The following CAMTA1 variants were observed in gnomAD, a reference collection of about 807,000 sequenced individuals.
The protein encoded by CAMTA1 is calmodulin-binding transcription activator 1.
A neutral mutation model predicts 170.9 loss-of-function variants in CAMTA1; 27 were observed. The ratio of observed to expected loss-of-function variants is 0.16; its 90% CI spans 0.12 to 0.22. The LOEUF (loss-of-function observed/expected upper bound fraction) is 0.22, where lower values mean the gene tolerates loss of function less well. CAMTA1 is among the 10% of genes least tolerant of loss of function. The pLI, the probability that CAMTA1 is intolerant of heterozygous loss-of-function variation, is 1.00. For missense variants in CAMTA1, 1,619 were observed against 2,217.2 expected (o/e 0.73, Z 5.42); for synonymous variants, 833 against 891.5 (o/e 0.93, Z 1.17).
At chr1:7,621,237 G>A (rs527965264) in intron 6 of CAMTA1, among the ~76,000 whole-genome samples, 1 of 152,364 alleles carries the variant, frequency 6.6e-6, no homozygotes, top group South Asian at 2.1e-4. Context: ...GGGGCCACTG[G>A]CCCAAGAGAG....
At chr1:6,801,653 T>C (rs777558603) in intron 1 of CAMTA1, among the ~76,000 whole-genome samples, 4 of 152,216 alleles carry the variant, frequency 2.6e-5, no homozygotes, top group Non-Finnish European at 4.4e-5. Flanking sequence ...AAATTTTATG[T>C]TATGCATATT....
At chr1:7,105,939 C>CAAAA (rs35981857) in intron 4 of CAMTA1, among the ~76,000 whole-genome samples, 1 of 143,394 alleles carries the variant, frequency 7.0e-6, no homozygotes. Flanking sequence ...GACCATGTCT[C>CAAAA]AAAAAAAAAA....
intron 4 of CAMTA1, among the ~76,000 whole-genome samples, chr1:7,199,413 C>T (rs1656217004): frequency 6.6e-6 from 1 of 152,252 alleles, no homozygotes; most frequent in Admixed American, 6.5e-5. Context: ...TGCTGCTCAG[C>T]GTCCCTTCTG....
In CAMTA1 at chr1:7,736,435, A is replaced by G. The variant is rs746890229; in HGVS notation, c.3158A>G (p.Lys1053Arg). 19 of 1,613,970 alleles carry G rather than the reference A, an allele frequency of 1.2e-5. No individual in the cohort carries two copies. The highest frequency in any genetic ancestry group is 1.6e-5 in the Non-Finnish European group (19 of 1,180,014). ...ATGATGAGCCGAGCCTGCTGGGCGA[A>G]GTCCAAGCACTTGATCCACTCAAAG... Reference protein sequence around the residue: ...EKMMSRACWAKSKHLIHSKTF... With the variant: ...EKMMSRACWARSKHLIHSKTF... The change falls in exon 13 of 23, where the codon AAG (lysine) becomes AGG (arginine). Residue 1053 changes from lysine to arginine, a missense_variant. By Grantham distance (26) the Lys-to-Arg change is conservative (BLOSUM62 2). This residue lies in a region of CAMTA1 where 143 missense variants were observed against 184.2 expected (regional missense o/e 0.78). Coordinates refer to ENST00000303635, the MANE Select transcript of CAMTA1 (RefSeq NM_015215.4). The surrounding 1 kb of genome is among the most constrained non-coding windows in gnomAD (Gnocchi z 4.5).
At chr1:7,569,121 C>T (rs2095090611) in intron 6 of CAMTA1, among the ~76,000 whole-genome samples, 1 of 151,740 alleles carries the variant, frequency 6.6e-6, no homozygotes, top group Non-Finnish European at 1.5e-5. Flanking sequence ...TCACCACCAT[C>T]ACCATCTCCA....
intron 6 of CAMTA1, among the ~76,000 whole-genome samples, chr1:7,589,659 T>C (rs1024954115): frequency 1.3e-5 from 2 of 152,194 alleles, no homozygotes; most frequent in African/African-American, 4.8e-5. Flanking sequence ...CTCCACGTTC[T>C]AGGAAAGAAA....
intron 11 of CAMTA1, among the ~76,000 whole-genome samples, chr1:7,713,441 G>T (rs2096586379): frequency 6.6e-6 from 1 of 150,464 alleles, no homozygotes; most frequent in African/African-American, 2.5e-5. Context: ...CTGCCCCCCA[G>T]CCCCCACCCC....
intron 4 of CAMTA1, among the ~76,000 whole-genome samples, chr1:7,190,097 A>G (rs936906135): frequency 1.1e-4 from 17 of 152,244 alleles, no homozygotes; most frequent in Non-Finnish European, 2.1e-4. Flanking sequence ...ATGCAAAGGC[A>G]TAAGGATGAC....
At chr1:7,746,177 T>C in intron 18 of CAMTA1, 86 bp downstream of exon 18, 16 of 1,466,862 alleles carry the variant, frequency 1.1e-5, no homozygotes, top group Non-Finnish European at 1.5e-5. Context: ...ACAAAAACAT[T>C]TACTATTTCT....
chr1:7,728,632 C>T (rs554389933), intron 11 of CAMTA1, among the ~76,000 whole-genome samples: 32 of 152,290 alleles, frequency 2.1e-4, no homozygotes, highest in African/African-American at 7.2e-4. Context: ...AAGTAGGTTC[C>T]GAGATCAATG....
intron 6 of CAMTA1, among the ~76,000 whole-genome samples, chr1:7,555,130 C>T (rs1344305355): frequency 6.6e-6 from 1 of 151,942 alleles, no homozygotes; most frequent in Non-Finnish European, 1.5e-5. Flanking sequence ...AAGCCTGCAG[C>T]GAGATGGGTG....
intron 3 of CAMTA1, among the ~76,000 whole-genome samples, chr1:6,925,075 G>A (rs1682828291): frequency 6.6e-6 from 1 of 152,220 alleles, no homozygotes; most frequent in Non-Finnish European, 1.5e-5. Context: ...CCAGTGACTG[G>A]GCCCTGCTTT....
At chr1:6,849,062 A>G (rs1355998032) in intron 3 of CAMTA1, among the ~76,000 whole-genome samples, 2 of 152,170 alleles carry the variant, frequency 1.3e-5, no homozygotes, top group African/African-American at 4.8e-5. Flanking sequence ...CTCTGCTTTT[A>G]GGCAGATAAG....
chr1:7,469,272 G>A (rs2093282491), intron 6 of CAMTA1, among the ~76,000 whole-genome samples: 1 of 152,154 alleles, frequency 6.6e-6, no homozygotes, highest in Admixed American at 6.5e-5. Context: ...GAGGGGAGTT[G>A]TCACATGGTC....
chr1:6,810,368 C>T (rs1645021131), intron 1 of CAMTA1, among the ~76,000 whole-genome samples: 1 of 152,244 alleles, frequency 6.6e-6, no homozygotes, highest in African/African-American at 2.4e-5. Flanking sequence ...GCCTCTGCAA[C>T]ACCATAGCTT....
At chr1:7,617,700 C>G (rs893669863) in intron 6 of CAMTA1, among the ~76,000 whole-genome samples, 1 of 140,648 alleles carries the variant, frequency 7.1e-6, no homozygotes, top group African/African-American at 2.6e-5. Flanking sequence ...CCCACCCCCC[C>G]ACCCCCATGC....
intron 5 of CAMTA1, among the ~76,000 whole-genome samples, chr1:7,418,864 C>T (rs845259): frequency 0.82 from 124,088 of 152,140 alleles, 52,447 homozygotes; most frequent in East Asian, 0.98. Flanking sequence ...TGCATGCTGC[C>T]GGGACCCGAA....
Position 7,634,638 on chromosome 1 carries a change from T to C in CAMTA1, c.511-5762T>C, listed in dbSNP as rs1576507726. On this transcript the variant is annotated intron_variant, in intron 6 of 22. Coordinates refer to ENST00000303635, the MANE Select transcript of CAMTA1 (RefSeq NM_015215.4). This position sits in a 1 kb window ranked among gnomAD's most constrained non-coding sequence, Gnocchi z 6.2. Reference sequence around the variant, plus strand: ...GCCAGAGCCCCAGGCTGGACGCTGGTGGAGGAAGGGCCTCTGTACACAGCA... The same window carrying C: ...GCCAGAGCCCCAGGCTGGACGCTGGCGGAGGAAGGGCCTCTGTACACAGCA... Among the ~76,000 whole-genome samples, 1 of 151,878 alleles carries C rather than the reference T, an allele frequency of 6.6e-6. No individual in the cohort carries two copies. Among genetic ancestry groups the C allele is most frequent in the African/African-American group, 2.4e-5 (1 of 41,360 alleles).
At chr1:7,494,665 G>A (rs1466207614) in intron 6 of CAMTA1, among the ~76,000 whole-genome samples, 1 of 152,122 alleles carries the variant, frequency 6.6e-6, no homozygotes, top group Non-Finnish European at 1.5e-5. Context: ...TTAGCCAGGT[G>A]TGGTGGCGCA....
Sources: gnomAD v4.1 joint callset for allele counts (sites outside exome capture counted in the v4.1 genomes callset) on GRCh38, gnomAD v4.1.1 for gene constraint, gnomAD v4.1.1 regional missense constraint, Gnocchi (gnomAD v3.1) non-coding constraint, MANE v1.5 for transcripts, NCBI Gene and HGNC (gene_info 2026-07-23, HGNC 2026-07-21) for gene names.